HNMT: variants seen among roughly 807,000 people sequenced by gnomAD.
The protein encoded by HNMT is histamine N-methyltransferase.
A neutral mutation model predicts 32.1 loss-of-function variants in HNMT; 30 were observed. The observed-to-expected ratio is 0.93, with a 90% confidence interval of 0.70 to 1.27. The LOEUF (loss-of-function observed/expected upper bound fraction) is 1.27, where lower values mean the gene tolerates loss of function less well. Among genes scored for constraint, HNMT ranks in the 50% most tolerant of loss-of-function variants. The pLI, the probability that HNMT is intolerant of heterozygous loss-of-function variation, is 0.00. For synonymous variants in HNMT, 125 were observed against 119.0 expected (o/e 1.05, Z -0.33); for missense variants, 327 against 346.0 (o/e 0.95, Z 0.43).
intron 2 of HNMT, among the ~76,000 whole-genome samples, chr2:137,972,099 G>C (rs1680155330): frequency 6.6e-6 from 1 of 151,760 alleles, no homozygotes. Flanking sequence ...CTGATTTTTT[G>C]TTTTTGTTTT....
chr2:137,992,343 T>A (rs187780851), intron 2 of HNMT, among the ~76,000 whole-genome samples: 8 of 152,254 alleles, frequency 5.3e-5, no homozygotes, highest in African/African-American at 1.9e-4. Flanking sequence ...GAGGCATCCA[T>A]CTCTATAGCC....
At chr2:138,008,216 C>T (rs1468151709) in intron 5 of HNMT, among the ~76,000 whole-genome samples, 2 of 151,968 alleles carry the variant, frequency 1.3e-5, no homozygotes, top group Non-Finnish European at 2.9e-5. Flanking sequence ...ATTTAGCTCC[C>T]ACTTATAATT....
In HNMT at chr2:138,004,477, C is replaced by T. The variant is rs114626937; in HGVS notation, c.430-655C>T. On this transcript the variant is annotated intron_variant, in intron 4 of 5. Transcript: ENST00000280097. ...GCAAGCCATGGGGAAAAATTTCCCA[C>T]GTCAATGCCTAAGTCCAAGTTCTGT... 2.3e-3 allele frequency among the ~76,000 whole-genome samples: 353 copies of T among 152,064 alleles called. 1 individual carries two copies. The highest frequency in any genetic ancestry group is 7.9e-3 in the African/African-American group (328 of 41,506).
intron 1 of HNMT, among the ~76,000 whole-genome samples, chr2:137,966,844 G>T (rs1205998201): frequency 6.6e-6 from 1 of 152,072 alleles, no homozygotes; most frequent in Non-Finnish European, 1.5e-5. Flanking sequence ...CACTTTCTGA[G>T]AATCATTTTC....
At chr2:137,995,747 A>C (rs1266514562) in intron 2 of HNMT, among the ~76,000 whole-genome samples, 2 of 152,164 alleles carry the variant, frequency 1.3e-5, no homozygotes, top group Non-Finnish European at 2.9e-5. Context: ...TCTCTGATGA[A>C]TATCGATGGG....
At chr2:137,973,545 G>A (rs1680195935) in intron 2 of HNMT, among the ~76,000 whole-genome samples, 1 of 152,130 alleles carries the variant, frequency 6.6e-6, no homozygotes, top group African/African-American at 2.4e-5. Context: ...CTCCTGTAAT[G>A]TATCTCATAG....
At chr2:137,999,808 C>T (rs11673751) in intron 2 of HNMT, among the ~76,000 whole-genome samples, 1 of 152,002 alleles carries the variant, frequency 6.6e-6, no homozygotes, top group African/African-American at 2.4e-5. Context: ...TAATGAACAG[C>T]TAACATTTAT....
intron 4 of HNMT, chr2:138,002,707 A>G (rs1344014556): frequency 6.7e-5 from 45 of 672,122 alleles, no homozygotes; most frequent in Non-Finnish European, 7.4e-5. Context: ...TCAACCTCCA[A>G]AAGTGTTGGA....
At chr2:138,010,463 A>G (rs1681467181) in intron 5 of HNMT, among the ~76,000 whole-genome samples, 1 of 145,674 alleles carries the variant, frequency 6.9e-6, no homozygotes, top group African/African-American at 2.4e-5. Flanking sequence ...ACACACACAC[A>G]CACACACACA....
chr2:137,981,053 A>G (rs1044559783), intron 2 of HNMT, among the ~76,000 whole-genome samples: 2 of 152,078 alleles, frequency 1.3e-5, no homozygotes, highest in Non-Finnish European at 2.9e-5. Context: ...ATTCTAGTAG[A>G]GGGAACAAAA....
chr2:138,016,313 G>C lies in HNMT; in HGVS notation c.*2183G>C, dbSNP rs761856213. On this transcript the variant is annotated 3_prime_UTR_variant, in exon 6 of 6. Coordinates refer to ENST00000280097, the MANE Select transcript of HNMT (RefSeq NM_006895.3). ...TGTGTTCATATTATTATTATAAACA[G>C]AGCTCAAGAAACCCAATAAAGTTAT... 6.6e-6 allele frequency: 1 copy of C among 152,042 alleles called. No homozygotes were observed. The highest frequency in any genetic ancestry group is 1.5e-5 in the Non-Finnish European group (1 of 67,990). 9.4% of individuals were successfully genotyped at this position (152,042 alleles called of 1,614,324 possible).
chr2:138,008,299 TC>T (rs1270227094), intron 5 of HNMT, among the ~76,000 whole-genome samples: 7 of 152,092 alleles, frequency 4.6e-5, no homozygotes, highest in African/African-American at 1.7e-4. Flanking sequence ...TCCATCCATG[TC>T]CCCAGAAAAG....
At chr2:138,010,461 A>G (rs1240911245) in intron 5 of HNMT, among the ~76,000 whole-genome samples, 4 of 145,180 alleles carry the variant, frequency 2.8e-5, no homozygotes, top group African/African-American at 7.3e-5. Flanking sequence ...ACACACACAC[A>G]CACACACACA....
At chr2:137,979,440 G>C (rs985384384) in intron 2 of HNMT, among the ~76,000 whole-genome samples, 4 of 151,862 alleles carry the variant, frequency 2.6e-5, no homozygotes, top group Non-Finnish European at 4.4e-5. Context: ...TTTTAGTAGA[G>C]ACGGGGTTTC....
At chr2:138,011,106 G>C (rs1030871608) in intron 5 of HNMT, among the ~76,000 whole-genome samples, 2 of 151,474 alleles carry the variant, frequency 1.3e-5, no homozygotes, top group African/African-American at 4.8e-5. Flanking sequence ...GCATTAGTCG[G>C]GAAGTGCATA....
At chr2:138,001,213 C>A in intron 3 of HNMT, among the ~76,000 whole-genome samples, 188 bp downstream of exon 3, 1 of 152,148 alleles carries the variant, frequency 6.6e-6, no homozygotes, top group East Asian at 1.9e-4. Context: ...ATAATAAACT[C>A]CCTTTTCTAT....
At position 138,012,484 on chromosome 2, in the gene HNMT, CT is replaced by C. The variant is rs372364998; in HGVS notation, c.524-1284del. Reference sequence around the variant, plus strand: ...AGTTATTGTCAGTCCAAGGCAGCATCTTTTTTTATATAGAGATGAGAGTAAA... The same window carrying C: ...AGTTATTGTCAGTCCAAGGCAGCATCTTTTTTATATAGAGATGAGAGTAAA... On this transcript the variant is annotated intron_variant, in intron 5 of 5. Transcript: ENST00000280097. 6.4e-4 allele frequency among the ~76,000 whole-genome samples: 97 copies of C among 152,206 alleles called. 1 individual carries two copies. The East Asian group carries it at 0.015, about 23-fold the overall frequency.
intron 2 of HNMT, among the ~76,000 whole-genome samples, chr2:137,973,725 G>T (rs1680201122): frequency 1.3e-5 from 2 of 151,962 alleles, no homozygotes; most frequent in African/African-American, 4.8e-5. Context: ...CCAGCTAAAA[G>T]CCTTCCTAGA....
chr2:137,992,467 A>C lies in HNMT; in HGVS notation c.191-8451A>C, dbSNP rs146696512. ...CAGTCTGTGGCCAGAGTGCCTCTTC[A>C]GGCCTGACCCTGACCCATCCTTCCT... On this transcript the variant is annotated intron_variant, in intron 2 of 5. Transcript: ENST00000280097. 8.8e-3 allele frequency among the ~76,000 whole-genome samples: 1,342 copies of C among 152,252 alleles called. 12 individuals are homozygous for C. The highest frequency in any genetic ancestry group is 0.015 in the Non-Finnish European group (1,025 of 68,010).
Sources: allele counts gnomAD v4.1 joint callset (sites outside exome capture counted in the v4.1 genomes callset), GRCh38; gene constraint gnomAD v4.1.1; transcripts MANE v1.5; gene names NCBI Gene and HGNC (gene_info 2026-07-23, HGNC 2026-07-21).